CACNA2D3: variants seen among roughly 807,000 people sequenced by gnomAD.
CACNA2D3 encodes calcium voltage-gated channel auxiliary subunit alpha2delta 3.
In CACNA2D3, 60 loss-of-function variants were observed where a neutral mutation model predicts 160.6. The ratio of observed to expected loss-of-function variants is 0.37; its 90% CI spans 0.30 to 0.46. CACNA2D3 has a LOEUF of 0.46. Among genes scored for constraint, CACNA2D3 ranks in the 20% least tolerant of loss-of-function variants. CACNA2D3 has a pLI of 1.00. For synonymous variants in CACNA2D3, 558 were observed against 492.9 expected (o/e 1.13, Z -1.75); for missense variants, 1,205 against 1,365.0 (o/e 0.88, Z 1.85).
At chr3:54,874,625 T>C (rs1309424189) in intron 18 of CACNA2D3, 1 of 81,632 alleles carries the variant, frequency 1.2e-5, no homozygotes, top group African/African-American at 2.8e-5. Context: ...CTTATTTATT[T>C]ATCACAGTGA....
chr3:54,952,568 G>T (rs1701785169), intron 27 of CACNA2D3, among the ~76,000 whole-genome samples: 1 of 152,180 alleles, frequency 6.6e-6, no homozygotes, highest in Non-Finnish European at 1.5e-5. Flanking sequence ...TAGGGACAGG[G>T]TCATTAAATG....
At chr3:54,386,837 G>C (rs1195770135) in intron 4 of CACNA2D3, 63 bp downstream of exon 4, 1 of 1,412,326 alleles carries the variant, frequency 7.1e-7, no homozygotes, top group Non-Finnish European at 9.7e-7. Context: ...CAAGTACCAG[G>C]TATACCAGGA....
At chr3:55,040,676 C>T (rs750636243) in intron 35 of CACNA2D3, among the ~76,000 whole-genome samples, 1 of 152,120 alleles carries the variant, frequency 6.6e-6, no homozygotes, top group Admixed American at 6.6e-5. Context: ...CATAGTGAGA[C>T]CTCATCTCTA....
chr3:55,015,936 T>C (rs1703317914), intron 34 of CACNA2D3, among the ~76,000 whole-genome samples: 2 of 152,350 alleles, frequency 1.3e-5, no homozygotes, highest in Admixed American at 1.3e-4. Flanking sequence ...CTGGAGCACC[T>C]AAAATTCACC....
At chr3:54,290,509 CAG>C (rs879510869) in intron 2 of CACNA2D3, among the ~76,000 whole-genome samples, 3,086 of 151,798 alleles carry the variant, frequency 0.02, 97 homozygotes, top group African/African-American at 0.07. Context: ...GGCGATTCCT[CAG>C]GGATCTAGAA....
intron 5 of CACNA2D3, among the ~76,000 whole-genome samples, chr3:54,541,390 A>G (rs528950584): frequency 1.4e-4 from 22 of 152,188 alleles, no homozygotes; most frequent in Middle Eastern, 6.8e-3. Flanking sequence ...AATGGGAGTC[A>G]TGCATTTACA....
intron 3 of CACNA2D3, among the ~76,000 whole-genome samples, chr3:54,341,782 G>A (rs1352594949): frequency 6.6e-6 from 1 of 152,152 alleles, no homozygotes; most frequent in Non-Finnish European, 1.5e-5. Flanking sequence ...GACCTCCAGA[G>A]TGTATGTAAC....
At chr3:54,882,935 A>G (rs1007265052) in intron 21 of CACNA2D3, among the ~76,000 whole-genome samples, 3 of 152,214 alleles carry the variant, frequency 2.0e-5, no homozygotes, top group African/African-American at 7.2e-5. Flanking sequence ...ATAAAAAGTC[A>G]TTACCAAGAT....
chr3:54,737,013 C>G (rs1378950953), intron 11 of CACNA2D3, among the ~76,000 whole-genome samples: 1 of 152,158 alleles, frequency 6.6e-6, no homozygotes, highest in African/African-American at 2.4e-5. Context: ...CCCTCTATTT[C>G]TTTTAGCATG....
At chr3:54,782,824 T>C (rs1702560341) in intron 13 of CACNA2D3, among the ~76,000 whole-genome samples, 1 of 152,146 alleles carries the variant, frequency 6.6e-6, no homozygotes, top group South Asian at 2.1e-4. Context: ...GCTGTGCAAA[T>C]TGATGATGCA....
chr3:54,809,251 CCTTT>C (rs1447987928), intron 13 of CACNA2D3, among the ~76,000 whole-genome samples: 1 of 148,814 alleles, frequency 6.7e-6, no homozygotes, highest in African/African-American at 2.5e-5. Context: ...CCTCTCTCTT[CCTTT>C]CTTCCTTCCT....
chr3:54,637,179 G>A (rs1240488721), intron 10 of CACNA2D3, among the ~76,000 whole-genome samples: 1 of 151,968 alleles, frequency 6.6e-6, no homozygotes, highest in Non-Finnish European at 1.5e-5. Flanking sequence ...CCATGCTGTA[G>A]CAGACGAGTG....
At chr3:54,797,532 T>C (rs1702890809) in intron 13 of CACNA2D3, among the ~76,000 whole-genome samples, 1 of 152,234 alleles carries the variant, frequency 6.6e-6, no homozygotes, top group South Asian at 2.1e-4. Flanking sequence ...GATACGACAG[T>C]ATCATATGGT....
intron 2 of CACNA2D3, among the ~76,000 whole-genome samples, chr3:54,193,335 G>A (rs561596496): frequency 3.9e-5 from 6 of 152,304 alleles, no homozygotes; most frequent in Non-Finnish European, 7.4e-5. Context: ...AAAGCAGGCA[G>A]AGGGCTTTTT....
intron 27 of CACNA2D3, among the ~76,000 whole-genome samples, chr3:54,935,648 T>C (rs1701309450): frequency 6.6e-6 from 1 of 152,244 alleles, no homozygotes; most frequent in African/African-American, 2.4e-5. Flanking sequence ...TGAGTGTTTT[T>C]TGCAGTTCTT....
At chr3:54,251,080 G>C (rs1221021101) in intron 2 of CACNA2D3, among the ~76,000 whole-genome samples, 1 of 152,200 alleles carries the variant, frequency 6.6e-6, no homozygotes, top group Non-Finnish European at 1.5e-5. Context: ...TCTTAGGGGA[G>C]AGTGGTCAGG....
At chr3:54,401,118 T>G (rs1699454557) in intron 4 of CACNA2D3, among the ~76,000 whole-genome samples, 1 of 151,762 alleles carries the variant, frequency 6.6e-6, no homozygotes, top group Non-Finnish European at 1.5e-5. Flanking sequence ...AATAGAAAAC[T>G]TCAACATCAG....
intron 11 of CACNA2D3, among the ~76,000 whole-genome samples, chr3:54,653,727 C>T (rs568616107): frequency 9.2e-5 from 14 of 152,226 alleles, no homozygotes; most frequent in Non-Finnish European, 2.1e-4. Flanking sequence ...AAAATCACTT[C>T]ATGTCAGGGG....
intron 4 of CACNA2D3, among the ~76,000 whole-genome samples, chr3:54,489,848 C>CTGTG (rs1192386072): frequency 6.6e-6 from 1 of 152,060 alleles, no homozygotes; most frequent in Non-Finnish European, 1.5e-5. Flanking sequence ...TTTAAAGGAA[C>CTGTG]TGTGACACTT....
Sources: allele counts gnomAD v4.1 joint callset (sites outside exome capture counted in the v4.1 genomes callset), GRCh38; gene constraint gnomAD v4.1.1; transcripts MANE v1.5; gene names NCBI Gene and HGNC (gene_info 2026-07-23, HGNC 2026-07-21).